Variants in NPAS3 observed in about 807,000 individuals in gnomAD.
NPAS3 encodes the protein neuronal PAS domain protein 3.
NPAS3 carries 14 observed loss-of-function variants against 73.1 expected under a neutral mutation model. That is an observed-to-expected ratio of 0.19 (90% confidence interval 0.13 to 0.30). NPAS3 has a LOEUF of 0.30. Among genes scored for constraint, NPAS3 ranks in the 10% least tolerant of loss-of-function variants. The pLI, the probability that NPAS3 is intolerant of heterozygous loss-of-function variation, is 1.00. For missense variants in NPAS3, 1,096 were observed against 1,250.0 expected (o/e 0.88, Z 1.86); for synonymous variants, 620 against 541.5 (o/e 1.14, Z -2.01).
intron 5 of NPAS3, among the ~76,000 whole-genome samples, chr14:33,613,400 C>T (rs1331296633): frequency 6.6e-6 from 1 of 152,162 alleles, no homozygotes; most frequent in East Asian, 1.9e-4. Context: ...GTCTGTTCAG[C>T]TTCCCTTCCC....
intron 2 of NPAS3, among the ~76,000 whole-genome samples, chr14:33,151,132 C>A (rs2044428570): frequency 6.6e-6 from 1 of 152,174 alleles, no homozygotes; most frequent in South Asian, 2.1e-4. Flanking sequence ...GCAGTCAATG[C>A]AAAATGCCAT....
intron 2 of NPAS3, among the ~76,000 whole-genome samples, chr14:33,164,249 A>G (rs897102870): frequency 6.6e-6 from 1 of 152,238 alleles, no homozygotes; most frequent in African/African-American, 2.4e-5. Flanking sequence ...AAATTCCATC[A>G]GTCAATGTTA....
At chr14:33,155,629 C>A (rs777447796) in intron 2 of NPAS3, among the ~76,000 whole-genome samples, 3 of 152,094 alleles carry the variant, frequency 2.0e-5, no homozygotes, top group Non-Finnish European at 4.4e-5. Flanking sequence ...TAAACCAGAG[C>A]CAAGTTTCCT....
intron 3 of NPAS3, among the ~76,000 whole-genome samples, chr14:33,342,705 TG>T (rs2044543104): frequency 6.6e-6 from 1 of 152,236 alleles, no homozygotes; most frequent in Non-Finnish European, 1.5e-5. Flanking sequence ...TATCTTGCTT[TG>T]GTGCATGCTT....
chr14:33,366,710 G>C (rs138238166), intron 3 of NPAS3, among the ~76,000 whole-genome samples: 2 of 152,272 alleles, frequency 1.3e-5, no homozygotes, highest in Non-Finnish European at 2.9e-5. Context: ...AAATTGTGAT[G>C]AAGTTATTGC....
At chr14:33,329,136 A>T (rs1371137381) in intron 3 of NPAS3, among the ~76,000 whole-genome samples, 1 of 152,134 alleles carries the variant, frequency 6.6e-6, no homozygotes, top group African/African-American at 2.4e-5. Context: ...GCCTTATGGA[A>T]TGGACATCCA....
chr14:33,462,035 A>G (rs1477965814), intron 4 of NPAS3, among the ~76,000 whole-genome samples: 2 of 152,116 alleles, frequency 1.3e-5, no homozygotes, highest in Non-Finnish European at 2.9e-5. Flanking sequence ...GATAATGGCA[A>G]CTCCTACTTG....
rs186588879 is a variant in NPAS3 at position 33,153,636 on chromosome 14, A to G, written c.141-61546A>G. ...CTCCAGACCTCCCACCCTCATTTCT[A>G]CAGAGGTGGTCTCAGCAGCTGAGAC... On this transcript the variant is annotated intron_variant, in intron 2 of 11. Transcript: ENST00000356141. Among the ~76,000 whole-genome samples, 947 of 152,208 alleles carry G rather than the reference A, an allele frequency of 6.2e-3. 6 individuals carry two copies. The highest frequency in any genetic ancestry group is 0.02 in the African/African-American group (829 of 41,520).
In NPAS3 at chr14:33,599,080, G is replaced by A. The variant is rs373486467; in HGVS notation, c.558+38870G>A. On this transcript the variant is annotated intron_variant, in intron 5 of 11. Coordinates refer to ENST00000356141, the Ensembl canonical transcript of NPAS3. ...ATTAGGCACATGTTTTTTTTATCAG[G>A]CACTAGAAGCTATGGGAAGAATCAA... is the stretch of plus-strand genomic sequence containing the variant. Among the ~76,000 whole-genome samples, 164 of 152,094 alleles carry A rather than the reference G, an allele frequency of 1.1e-3. 1 individual carries two copies. Among genetic ancestry groups the A allele is most frequent in the African/African-American group, 3.9e-3 (161 of 41,498 alleles).
intron 6 of NPAS3, among the ~76,000 whole-genome samples, chr14:33,678,754 G>GGAAA (rs71433626): frequency 1.4e-5 from 2 of 146,334 alleles, no homozygotes; most frequent in African/African-American, 5.0e-5. Context: ...GACTTTGGGA[G>GGAAA]AAAAAAAAAA....
chr14:33,469,005 C>T (rs1399323529), intron 4 of NPAS3, among the ~76,000 whole-genome samples: 1 of 152,182 alleles, frequency 6.6e-6, no homozygotes, highest in Non-Finnish European at 1.5e-5. Context: ...GTATCTCCTA[C>T]AGTTCTTGTA....
chr14:33,377,259 G>C (rs193096308), intron 4 of NPAS3, among the ~76,000 whole-genome samples: 5 of 152,284 alleles, frequency 3.3e-5, no homozygotes, highest in Admixed American at 3.3e-4. Flanking sequence ...GAAAAAGAGA[G>C]AGTTTATAAA....
intron 3 of NPAS3, among the ~76,000 whole-genome samples, chr14:33,357,964 G>T (rs1486320197): frequency 1.3e-5 from 2 of 152,194 alleles, no homozygotes; most frequent in Admixed American, 1.3e-4. Context: ...AACTTGGTCT[G>T]CATGACTCCA....
intron 3 of NPAS3, among the ~76,000 whole-genome samples, chr14:33,265,398 T>G (rs535978698): frequency 6.6e-6 from 1 of 152,342 alleles, no homozygotes; most frequent in Admixed American, 6.5e-5. Context: ...TCTTCATCTT[T>G]TACAATATAT....
intron 2 of NPAS3, among the ~76,000 whole-genome samples, chr14:33,114,600 A>C (rs1416557781): frequency 6.6e-6 from 1 of 152,132 alleles, no homozygotes; most frequent in Non-Finnish European, 1.5e-5. Flanking sequence ...AAATGCAATC[A>C]ACAGATGAGA....
chr14:33,132,328 A>C (rs2043669493), intron 2 of NPAS3, among the ~76,000 whole-genome samples: 2 of 152,240 alleles, frequency 1.3e-5, no homozygotes, highest in African/African-American at 4.8e-5. Context: ...AAACTTAGGG[A>C]GGCAAGGGTA....
At position 33,405,825 on chromosome 14, in the gene NPAS3, C is replaced by T. The variant is rs2047641420; in HGVS notation, c.468+38557C>T. ...CAACCTTCTGTTGGATAACATTAAA[C>T]TCAGTCTATTAGTGAGGGTGTCTTG... is the stretch of plus-strand genomic sequence containing the variant. On this transcript the variant is annotated intron_variant, in intron 4 of 11. Coordinates refer to ENST00000356141, the Ensembl canonical transcript of NPAS3. Among the ~76,000 whole-genome samples, 3 of 152,146 alleles carry T rather than the reference C, an allele frequency of 2.0e-5. No homozygotes were observed. The South Asian group carries it at 6.2e-4, about 32-fold the overall frequency.
chr14:33,250,197 CT>C (rs1375268316), intron 3 of NPAS3, among the ~76,000 whole-genome samples: 1 of 152,042 alleles, frequency 6.6e-6, no homozygotes, highest in Non-Finnish European at 1.5e-5. Flanking sequence ...GACTTAACAG[CT>C]TTTGGAACCT....
intron 3 of NPAS3, among the ~76,000 whole-genome samples, chr14:33,244,237 A>G (rs1269388309): frequency 1.3e-5 from 2 of 152,050 alleles, no homozygotes; most frequent in Non-Finnish European, 2.9e-5. Flanking sequence ...TCCCAGTTAC[A>G]TGGAGACTTA....
Sources: gnomAD v4.1 joint callset for allele counts (sites outside exome capture counted in the v4.1 genomes callset) on GRCh38, gnomAD v4.1.1 for gene constraint, MANE v1.5 for transcripts, NCBI Gene and HGNC (gene_info 2026-07-23, HGNC 2026-07-21) for gene names.